KCNQ3: variants seen among roughly 807,000 people sequenced by gnomAD.
KCNQ3 encodes potassium voltage-gated channel subfamily Q member 3.
Under a neutral mutation model 92.5 loss-of-function variants are expected in KCNQ3, and 30 were observed. The observed-to-expected ratio is 0.32, with a 90% CI of 0.24 to 0.44. The LOEUF (loss-of-function observed/expected upper bound fraction) is 0.44. Among genes scored for constraint, KCNQ3 ranks in the 20% least tolerant of loss-of-function variants. The pLI is 1.00. For synonymous variants in KCNQ3, 450 were observed against 468.8 expected (o/e 0.96, Z 0.52); for missense variants, 913 against 1,140.3 (o/e 0.80, Z 2.87).
chr8:132,181,577 A>ACTT (rs10655949), intron 3 of KCNQ3, among the ~76,000 whole-genome samples: 3,970 of 152,218 alleles, frequency 0.026, 195 homozygotes, highest in African/African-American at 0.092. Flanking sequence ...CAAGGAACAC[A>ACTT]CTTAAGGAAA....
intron 1 of KCNQ3, among the ~76,000 whole-genome samples, chr8:132,403,277 G>C (rs1373042295): frequency 6.6e-6 from 1 of 152,036 alleles, no homozygotes; most frequent in Non-Finnish European, 1.5e-5. Flanking sequence ...GGGCCCTCCT[G>C]TGGATCTCTG....
intron 1 of KCNQ3, among the ~76,000 whole-genome samples, chr8:132,442,068 T>G (rs991767833): frequency 1.3e-5 from 2 of 152,038 alleles, no homozygotes; most frequent in African/African-American, 4.8e-5. Context: ...TACACTGCGG[T>G]CTTTCAGAGG....
At chr8:132,227,141 C>A (rs1010058999) in intron 1 of KCNQ3, among the ~76,000 whole-genome samples, 12 of 150,246 alleles carry the variant, frequency 8.0e-5, no homozygotes, top group African/African-American at 2.7e-4. Context: ...GGGCTCACTG[C>A]AACCTCTGAC....
intron 1 of KCNQ3, among the ~76,000 whole-genome samples, chr8:132,479,597 C>T (rs1822494838): frequency 6.6e-6 from 1 of 151,332 alleles, no homozygotes; most frequent in African/African-American, 2.4e-5. Context: ...TGTACCAGTA[C>T]CCAGCGATCA....
chr8:132,220,604 C>A (rs1814193693), intron 1 of KCNQ3, among the ~76,000 whole-genome samples: 1 of 152,140 alleles, frequency 6.6e-6, no homozygotes, highest in South Asian at 2.1e-4. Flanking sequence ...CAAAAATTAG[C>A]TGGGCATGGT....
At chr8:132,256,485 C>A (rs539286972) in intron 1 of KCNQ3, among the ~76,000 whole-genome samples, 59 of 151,994 alleles carry the variant, frequency 3.9e-4, no homozygotes, top group Non-Finnish European at 7.6e-4. Context: ...GAAAAATATT[C>A]ATCTAAACAC....
In KCNQ3 at chr8:132,217,724, A is replaced by AAC. The variant is rs1814085680; in HGVS notation, c.387-31544_387-31543insGT. ...AGGCTCTGTCTCAAAAAAAAAAAAA[A>AAC]AAAAAACAAAACACTGGGAGTCTGA... On this transcript the variant is annotated intron_variant, in intron 1 of 14. Transcript: ENST00000388996. Among the ~76,000 whole-genome samples, 3 of 151,514 alleles carry AAC rather than the reference A, an allele frequency of 2.0e-5. No homozygotes were observed. In the South Asian group the frequency reaches 6.3e-4, roughly 32 times the overall value.
chr8:132,171,260 G>C (rs1725385811), intron 7 of KCNQ3, among the ~76,000 whole-genome samples: 1 of 152,028 alleles, frequency 6.6e-6, no homozygotes, highest in African/African-American at 2.4e-5. Flanking sequence ...ACTGGGACAG[G>C]CCTAGGAACC....
chr8:132,181,019 T>G (rs1328068142), intron 3 of KCNQ3, among the ~76,000 whole-genome samples: 1 of 152,116 alleles, frequency 6.6e-6, no homozygotes, highest in Non-Finnish European at 1.5e-5. Flanking sequence ...TGAGCTACAC[T>G]GGCCTAGTGA....
intron 10 of KCNQ3, 42 bp from the exon 11 acceptor site, chr8:132,140,220 G>A (rs772000681): frequency 1.3e-6 from 2 of 1,494,148 alleles, no homozygotes; most frequent in East Asian, 2.3e-5. Flanking sequence ...CCACAGACCT[G>A]GAAAAGGCTT....
Position 132,182,927 on chromosome 8 carries a change from G to A in KCNQ3, c.604+1314C>T, listed in dbSNP as rs146449000. On this transcript the variant is annotated intron_variant, in intron 3 of 14. Coordinates refer to ENST00000388996, the MANE Select transcript of KCNQ3 (RefSeq NM_004519.4). ...ACACACACACACTCACATACCTTCC[G>A]TACATTCAAAATTCTGAGAAAAACC... Among the ~76,000 whole-genome samples the A allele has an allele frequency of 1.6e-3, 245 of 150,246 alleles. 2 individuals are homozygous for A. The highest frequency in any genetic ancestry group is 5.7e-3 in the African/African-American group (233 of 40,614).
At position 132,480,418 on chromosome 8, in the gene KCNQ3, C is replaced by A; in HGVS notation, c.115G>T (p.Glu39Ter). ...GGCGCCAGCCCCACTTTCCGCTCCT[C>A]GTCGCCGGCCGCCGCCGCGTCCCCT... The part of the protein sequence containing the change: ...AGGDAAAAGD[E>*]ERKVGLAPGD... Residue 39 changes from glutamate to a stop codon, truncating the protein, a stop_gained, in exon 1 of 15, where the codon GAG becomes TAG. Transcript: ENST00000388996. LOFTEE classifies it high-confidence loss of function. The A allele has an allele frequency of 6.8e-7, 1 of 1,479,166 alleles. No homozygotes were observed. The highest frequency in any genetic ancestry group is 8.9e-7 in the Non-Finnish European group (1 of 1,119,656). The allele number at this position is 1,479,166 out of a possible 1,614,324, so 91.6% of individuals were successfully genotyped here. A position where few individuals can be genotyped will look rare whatever the true frequency, so the allele number is the denominator to read the frequency against.
chr8:132,224,186 C>T (rs1191308615), intron 1 of KCNQ3, among the ~76,000 whole-genome samples: 1 of 146,300 alleles, frequency 6.8e-6, no homozygotes, highest in Non-Finnish European at 1.5e-5. Flanking sequence ...TCTCCCACCT[C>T]AGCCTCCCAA....
intron 1 of KCNQ3, among the ~76,000 whole-genome samples, chr8:132,375,888 G>A (rs1819593549): frequency 6.6e-6 from 1 of 152,080 alleles, no homozygotes; most frequent in Admixed American, 6.5e-5. Flanking sequence ...CGCTCTCTTC[G>A]CATGTCATTC....
At chr8:132,254,506 C>T (rs1020603819) in intron 1 of KCNQ3, among the ~76,000 whole-genome samples, 2 of 152,160 alleles carry the variant, frequency 1.3e-5, no homozygotes, top group Non-Finnish European at 2.9e-5. Context: ...ATGTGTTTGT[C>T]TCTTCAAGAT....
At chr8:132,321,726 C>T (rs1817897682) in intron 1 of KCNQ3, among the ~76,000 whole-genome samples, 2 of 152,174 alleles carry the variant, frequency 1.3e-5, no homozygotes, top group African/African-American at 2.4e-5. Flanking sequence ...ATCTATGTTG[C>T]ATTTCCAGAA....
rs1261669221 is a variant in KCNQ3 at position 132,126,409 on chromosome 8, C to T, written c.*2853G>A. On this transcript the variant is annotated 3_prime_UTR_variant, in exon 15 of 15. Transcript: ENST00000388996. ...CTGTGAGCCATATTGTTGAGATTGT[C>T]TGTGCATAGGCAACTTGAGCAGGTT... The T allele has an allele frequency of 6.6e-6, 1 of 152,110 alleles. No homozygotes were observed. The highest frequency in any genetic ancestry group is 1.5e-5 in the Non-Finnish European group (1 of 68,038). 9.4% of individuals were successfully genotyped at this position (152,110 alleles called of 1,614,324 possible).
At chr8:132,130,238 T>C (rs1824839021) in intron 14 of KCNQ3, among the ~76,000 whole-genome samples, 2 of 151,980 alleles carry the variant, frequency 1.3e-5, no homozygotes, top group South Asian at 4.2e-4. Flanking sequence ...CCCGCCACCA[T>C]GCCAGGCTAA....
chr8:132,338,894 C>T, intron 1 of KCNQ3, among the ~76,000 whole-genome samples: 1 of 152,188 alleles, frequency 6.6e-6, no homozygotes, highest in East Asian at 1.9e-4. Flanking sequence ...CTTAATGGGG[C>T]TTGTACAACG....
Sources: allele counts gnomAD v4.1 joint callset (sites outside exome capture counted in the v4.1 genomes callset), GRCh38; gene constraint gnomAD v4.1.1; transcripts MANE v1.5; gene names NCBI Gene and HGNC (gene_info 2026-07-23, HGNC 2026-07-21).